The following GSE1 variants were observed in gnomAD, a reference collection of about 807,000 sequenced individuals.
GSE1 encodes genetic suppressor element 1.
In GSE1, 32 loss-of-function variants were observed where a neutral mutation model predicts 112.6. The ratio of observed to expected loss-of-function variants is 0.28; its 90% CI spans 0.21 to 0.38. The LOEUF (loss-of-function observed/expected upper bound fraction) is 0.38, where lower values mean the gene tolerates loss of function less well. Among genes scored for constraint, GSE1 ranks in the 10% least tolerant of loss-of-function variants. GSE1 has a pLI of 1.00. For synonymous variants in GSE1, 1,115 were observed against 735.6 expected (o/e 1.52, Z -8.35); for missense variants, 2,348 against 1,699.2 (o/e 1.38, Z -6.71).
chr16:85,466,710 AGAGGGAGAGAGGGAGAGAGAGG>A (rs1567510065), intron 2 of GSE1, among the ~76,000 whole-genome samples: 42 of 87,348 alleles, frequency 4.8e-4, no homozygotes, highest in Non-Finnish European at 7.7e-4. Context: ...ATAGAGAGAG[AGAGGGAGAGAGGGAGAGAGAGG>A]GAGAGCGCAC....
intron 2 of GSE1, among the ~76,000 whole-genome samples, chr16:85,488,066 T>A (rs1261576075): frequency 6.6e-6 from 1 of 150,968 alleles, no homozygotes; most frequent in Non-Finnish European, 1.5e-5. Context: ...CGTCTTGGAG[T>A]CTGTGGCTGT....
At chr16:85,223,929 C>T (rs976854700) in intron 1 of GSE1, among the ~76,000 whole-genome samples, 2 of 152,118 alleles carry the variant, frequency 1.3e-5, no homozygotes, top group African/African-American at 4.8e-5. Flanking sequence ...TTTTAAGGCA[C>T]ACAGTTCAGT....
intron 2 of GSE1, among the ~76,000 whole-genome samples, chr16:85,500,896 C>G (rs998405048): frequency 6.6e-6 from 1 of 151,946 alleles, no homozygotes; most frequent in Non-Finnish European, 1.5e-5. Flanking sequence ...TCTGTCAGCA[C>G]GTGGCTGTCT....
chr16:85,636,784 C>T (rs1161173599), intron 2 of GSE1, among the ~76,000 whole-genome samples: 1 of 152,208 alleles, frequency 6.6e-6, no homozygotes, highest in African/African-American at 2.4e-5. Flanking sequence ...CCTAGCACCA[C>T]TGCCAGTGGA....
At chr16:85,667,260 A>G (rs144480775) in intron 13 of GSE1, among the ~76,000 whole-genome samples, 7 of 152,294 alleles carry the variant, frequency 4.6e-5, no homozygotes, top group Non-Finnish European at 7.3e-5. Context: ...CTGGCCTTAC[A>G]CTAAACTGTT....
chr16:85,470,024 A>T (rs770322633), intron 2 of GSE1, among the ~76,000 whole-genome samples: 1 of 152,130 alleles, frequency 6.6e-6, no homozygotes, highest in Non-Finnish European at 1.5e-5. Flanking sequence ...AGGCATCTCA[A>T]TGCCACCCCC....
intron 1 of GSE1, among the ~76,000 whole-genome samples, chr16:85,247,956 A>G (rs1306510547): frequency 2.6e-5 from 4 of 152,158 alleles, no homozygotes; most frequent in African/African-American, 9.7e-5. Flanking sequence ...TGGCTGTAGG[A>G]ATTCCTCGGG....
chr16:85,575,227 T>TA (rs2046180124), intron 1 of GSE1, among the ~76,000 whole-genome samples: 1 of 152,192 alleles, frequency 6.6e-6, no homozygotes, highest in African/African-American at 2.4e-5. Context: ...GGCAGGCAGG[T>TA]GGCAGCCACC....
At chr16:85,337,455 G>A (rs372247955) in intron 1 of GSE1, among the ~76,000 whole-genome samples, 9 of 151,954 alleles carry the variant, frequency 5.9e-5, no homozygotes, top group South Asian at 2.1e-4. Flanking sequence ...ACAGGCGCCC[G>A]CCACCACGCC....
chr16:85,502,550 G>T (rs991468942), intron 2 of GSE1, among the ~76,000 whole-genome samples: 2 of 152,232 alleles, frequency 1.3e-5, no homozygotes, highest in East Asian at 1.9e-4. Flanking sequence ...GCTGGGCCAG[G>T]CCTGAGCCAA....
chr16:85,321,956 A>G (rs976210240), intron 1 of GSE1, among the ~76,000 whole-genome samples: 5 of 152,212 alleles, frequency 3.3e-5, no homozygotes, highest in Admixed American at 1.3e-4. Context: ...CCAGACCCCA[A>G]GTCCAGCTTC....
intron 1 of GSE1, among the ~76,000 whole-genome samples, chr16:85,194,722 C>T (rs1372347633): frequency 6.6e-6 from 1 of 152,156 alleles, no homozygotes; most frequent in Non-Finnish European, 1.5e-5. Flanking sequence ...CGGATGTCTA[C>T]TGTGTTGGAC....
At chr16:85,315,926 G>T (rs1319249952) in intron 1 of GSE1, among the ~76,000 whole-genome samples, 3 of 147,916 alleles carry the variant, frequency 2.0e-5, no homozygotes, top group Non-Finnish European at 3.0e-5. Context: ...AAGCCCTAGT[G>T]GGAGGGGGGG....
intron 8 of GSE1, 46 bp downstream of exon 8, chr16:85,657,650 G>A (rs752065778): frequency 3.0e-6 from 4 of 1,343,158 alleles, no homozygotes; most frequent in South Asian, 3.0e-5. Flanking sequence ...TTCACGTTCC[G>A]ATTTGTTCAG....
intron 1 of GSE1, among the ~76,000 whole-genome samples, chr16:85,238,436 G>A (rs1395209029): frequency 6.6e-6 from 1 of 152,254 alleles, no homozygotes; most frequent in African/African-American, 2.4e-5. Flanking sequence ...TGGTGCTGCA[G>A]TTTCGTCAGC....
Position 85,661,628 on chromosome 16 carries a change from C to T in GSE1, c.2123C>T (p.Pro708Leu), listed in dbSNP as rs966853626. ...GGGGAGCTCAGCGGACCCCTGAAGC[C>T]TGGCTCGCCCTACCGGCCCCCAGTG... ...TFGELSGPLK[P>L]GSPYRPPVPR... Residue 708 changes from proline to leucine, a missense_variant, in exon 9 of 16, where the codon CCT becomes CTT. Coordinates refer to ENST00000253458, the MANE Select transcript of GSE1 (RefSeq NM_014615.5). 6.2e-7 allele frequency: 1 copy of T among 1,611,392 alleles called. No individual in the cohort carries two copies. Among genetic ancestry groups the T allele is most frequent in the Non-Finnish European group, 8.5e-7 (1 of 1,179,526 alleles).
rs945098055 is a variant in GSE1, at chr16:85,655,798, C to G, written c.870C>G (p.Pro290=). 6.2e-7 allele frequency: 1 copy of G among 1,609,488 alleles called. No homozygotes were observed. Among genetic ancestry groups the G allele is most frequent in the Admixed American group, 1.7e-5 (1 of 59,992 alleles). ...CCATCCCCACCCCCGGCTCCCTGCC[C>G]CCACTGCACCCATCAGCGATGCACC... ...FYPIPTPGSL[P]PLHPSAMHLH... The change falls in exon 6 of 16, where the codon CCC becomes CCG. Residue 290 remains proline (P), a synonymous_variant. Coordinates refer to ENST00000253458, the MANE Select transcript of GSE1 (RefSeq NM_014615.5).
chr16:85,388,263 G>A (rs1483663057), intron 2 of GSE1, among the ~76,000 whole-genome samples: 2 of 143,112 alleles, frequency 1.4e-5, no homozygotes, highest in African/African-American at 2.7e-5. Flanking sequence ...TGGATGTATG[G>A]CTGGATGGAT....
At chr16:85,506,692 G>T (rs953880495) in intron 2 of GSE1, among the ~76,000 whole-genome samples, 1 of 152,064 alleles carries the variant, frequency 6.6e-6, no homozygotes, top group Non-Finnish European at 1.5e-5. Flanking sequence ...GGGCAGCGCC[G>T]TAATCATAAC....
Sources: gnomAD v4.1 joint callset for allele counts (sites outside exome capture counted in the v4.1 genomes callset) on GRCh38, gnomAD v4.1.1 for gene constraint, MANE v1.5 for transcripts, NCBI Gene and HGNC (gene_info 2026-07-23, HGNC 2026-07-21) for gene names.